CNTNAP2: variants seen among roughly 807,000 people sequenced by gnomAD.
CNTNAP2 encodes contactin-associated protein-like 2.
In CNTNAP2, 98 loss-of-function variants were observed where a neutral mutation model predicts 155.2. The observed-to-expected ratio is 0.63, with a 90% confidence interval of 0.54 to 0.75. The LOEUF (loss-of-function observed/expected upper bound fraction) is 0.75, where lower values mean the gene tolerates loss of function less well. Among genes scored for constraint, CNTNAP2 ranks in the 30% least tolerant of loss-of-function variants. The pLI is 0.00. For synonymous variants in CNTNAP2, 651 were observed against 631.2 expected, an observed-to-expected ratio of 1.03 and a Z score of -0.47; for missense variants, 1,727 against 1,688.1, an observed-to-expected ratio of 1.02 and a Z score of -0.40.
intron 13 of CNTNAP2, among the ~76,000 whole-genome samples, chr7:147,898,751 C>A (rs750247518): frequency 1.3e-5 from 2 of 152,252 alleles, no homozygotes; most frequent in South Asian, 4.1e-4. Flanking sequence ...AACTCCTGAC[C>A]TTGTGATCTG....
chr7:147,965,079 G>C (rs1365553647), intron 14 of CNTNAP2, among the ~76,000 whole-genome samples: 3 of 152,130 alleles, frequency 2.0e-5, no homozygotes, highest in Non-Finnish European at 4.4e-5. Context: ...ATGAGTTGGA[G>C]AAAGAAGCCC....
In CNTNAP2 at chr7:147,826,928, A is replaced by ATT. The variant is rs34322489; in HGVS notation, c.2099-76618_2099-76617dup. On this transcript the variant is annotated intron_variant, in intron 13 of 23. Transcript: ENST00000361727. ...CCCCCTTTACATAAAAGCTGAATAC[A>ATT]TTTTTTTTTTTTTTTTTTTTGAGAC... Among the ~76,000 whole-genome samples the ATT allele has an allele frequency of 5.8e-3, 716 of 123,838 alleles. 20 individuals are homozygous for ATT. The highest frequency in any genetic ancestry group is 0.019 in the African/African-American group (599 of 31,258). 81.2% of individuals were successfully genotyped at this position (123,838 alleles called of 152,430 possible).
intron 1 of CNTNAP2, among the ~76,000 whole-genome samples, chr7:146,752,399 T>C (rs1382879448): frequency 1.3e-5 from 2 of 152,190 alleles, no homozygotes; most frequent in Admixed American, 1.3e-4. Context: ...TTTTTTCCTA[T>C]GTTTCTTGGC....
In CNTNAP2 at chr7:147,417,720, A is replaced by G. The variant is rs1211078723; in HGVS notation, c.1670+21940A>G. 2.0e-5 allele frequency among the ~76,000 whole-genome samples: 3 copies of G among 152,312 alleles called. No homozygotes were observed. The East Asian group carries it at 5.8e-4, about 29-fold the overall frequency. ...TGGTGAGTTTAAATGGATCAAAATTATTGTTCCTTAAAAGCAACACCAAAA... is the reference window on the plus strand; with the variant it reads ...TGGTGAGTTTAAATGGATCAAAATTGTTGTTCCTTAAAAGCAACACCAAAA... On this transcript the variant is annotated intron_variant, in intron 10 of 23. Transcript: ENST00000361727.
chr7:147,264,736 A>G (rs1263721828), intron 8 of CNTNAP2, among the ~76,000 whole-genome samples: 1 of 151,758 alleles, frequency 6.6e-6, no homozygotes, highest in African/African-American at 2.4e-5. Flanking sequence ...ATTTCAAGCA[A>G]TGGAGGATGC....
At chr7:147,551,033 C>T (rs1379029667) in intron 11 of CNTNAP2, among the ~76,000 whole-genome samples, 1 of 152,162 alleles carries the variant, frequency 6.6e-6, no homozygotes, top group African/African-American at 2.4e-5. Context: ...AGGCACTGTG[C>T]TATCAGGTAT....
chr7:148,329,452 C>T (rs1046354876), intron 21 of CNTNAP2, among the ~76,000 whole-genome samples: 3 of 152,088 alleles, frequency 2.0e-5, no homozygotes, highest in Non-Finnish European at 1.5e-5. Context: ...CAGTCTTCTA[C>T]TAGGAGGATG....
chr7:146,652,961 A>G (rs1352985833), intron 1 of CNTNAP2, among the ~76,000 whole-genome samples: 1 of 152,118 alleles, frequency 6.6e-6, no homozygotes, highest in East Asian at 1.9e-4. Context: ...TGGTTGAAAA[A>G]GCCTTTCCTT....
intron 4 of CNTNAP2, among the ~76,000 whole-genome samples, chr7:147,094,665 G>C (rs566267312): frequency 1.4e-3 from 210 of 151,778 alleles, no homozygotes; most frequent in Non-Finnish European, 2.4e-3. Context: ...CTCGGCCTCC[G>C]AAAGTGCTGG....
At chr7:146,974,984 A>T (rs576174858) in intron 3 of CNTNAP2, among the ~76,000 whole-genome samples, 1 of 152,302 alleles carries the variant, frequency 6.6e-6, no homozygotes, top group African/African-American at 2.4e-5. Flanking sequence ...AAAACAAAAC[A>T]AAGCAAAACA....
intron 10 of CNTNAP2, among the ~76,000 whole-genome samples, chr7:147,466,515 T>C (rs1528528): frequency 0.78 from 118,703 of 152,088 alleles, 46,691 homozygotes; most frequent in African/African-American, 0.87. Flanking sequence ...GATAATAGGA[T>C]CTAGACACAG....
chr7:147,306,014 G>A (rs558600481), intron 9 of CNTNAP2, among the ~76,000 whole-genome samples: 1 of 152,092 alleles, frequency 6.6e-6, no homozygotes, highest in South Asian at 2.1e-4. Flanking sequence ...CTCTGATAAG[G>A]ACACCACTCA....
chr7:146,940,203 A>ATTAT (rs1015146972), intron 3 of CNTNAP2, among the ~76,000 whole-genome samples: 6 of 151,370 alleles, frequency 4.0e-5, no homozygotes, highest in East Asian at 3.9e-4. Flanking sequence ...TTTTATTTTT[A>ATTAT]TTATTTATTT....
chr7:148,042,836 A>G (rs1802704144), intron 15 of CNTNAP2, among the ~76,000 whole-genome samples: 1 of 152,188 alleles, frequency 6.6e-6, no homozygotes, highest in South Asian at 2.1e-4. Context: ...AAAATGCTTA[A>G]AACCCCACCT....
rs572830504 is a variant in CNTNAP2, at chr7:146,190,035, C to T, written c.97+73062C>T. On this transcript the variant is annotated intron_variant, in intron 1 of 23. Transcript: ENST00000361727. ...GGCTAATCTTCTGAGAACATACGTTCACAGACACTAAAGACAGCACTCTGA... is the reference window on the plus strand; with the variant it reads ...GGCTAATCTTCTGAGAACATACGTTTACAGACACTAAAGACAGCACTCTGA... Among the ~76,000 whole-genome samples, 34 of 150,696 alleles carry T rather than the reference C, an allele frequency of 2.3e-4. No individual in the cohort carries two copies. In the Middle Eastern group the frequency reaches 0.01, roughly 46 times the overall value.
intron 1 of CNTNAP2, among the ~76,000 whole-genome samples, chr7:146,486,226 G>T (rs1465814409): frequency 6.6e-6 from 1 of 151,544 alleles, no homozygotes; most frequent in African/African-American, 2.4e-5. Flanking sequence ...CACCGCGCCC[G>T]GCTAATTTTT....
chr7:148,219,772 G>A (rs553113177), intron 19 of CNTNAP2, among the ~76,000 whole-genome samples: 2 of 152,184 alleles, frequency 1.3e-5, no homozygotes, highest in South Asian at 4.2e-4. Flanking sequence ...AGTTGCTGGA[G>A]CCCAGAAGTG....
chr7:147,938,573 CA>C (rs1474754689), intron 14 of CNTNAP2, among the ~76,000 whole-genome samples: 1 of 151,950 alleles, frequency 6.6e-6, no homozygotes, highest in African/African-American at 2.4e-5. Context: ...TATTAAAAAA[CA>C]AAACTTTAAA....
At chr7:146,776,485 C>G (rs138011612) in intron 2 of CNTNAP2, among the ~76,000 whole-genome samples, 1 of 152,090 alleles carries the variant, frequency 6.6e-6, no homozygotes, top group East Asian at 1.9e-4. Flanking sequence ...GAGCAAGGAA[C>G]CCATTTCCAT....
Sources: gnomAD v4.1 joint callset for allele counts (sites outside exome capture counted in the v4.1 genomes callset) on GRCh38, gnomAD v4.1.1 for gene constraint, MANE v1.5 for transcripts, NCBI Gene and HGNC (gene_info 2026-07-23, HGNC 2026-07-21) for gene names.